Variants in LAMC3 observed in about 807,000 individuals in gnomAD.
LAMC3 encodes laminin subunit gamma 3, also known as laminin subunit gamma-3.
In LAMC3, 128 loss-of-function variants were observed where a neutral mutation model predicts 173.8. That is an observed-to-expected ratio of 0.74 (90% CI 0.64 to 0.85). The LOEUF (loss-of-function observed/expected upper bound fraction) is 0.85. LAMC3 is among the 40% of genes least tolerant of loss of function. The probability of loss-of-function intolerance (pLI) is 0.00; values close to 1 mark genes in which losing one functional copy is unlikely to be tolerated. For synonymous variants in LAMC3, 897 were observed against 909.1 expected, an observed-to-expected ratio of 0.99 and a Z score of 0.24; for missense variants, 2,022 against 2,156.0, an observed-to-expected ratio of 0.94 and a Z score of 1.23.
rs558445162 is a variant in LAMC3, at chr9:131,052,873, T to C, written c.1847T>C (p.Val616Ala). The C allele has an allele frequency of 3.7e-6, 6 of 1,603,524 alleles. No homozygotes were observed. In the African/African-American group the frequency reaches 5.4e-5, roughly 14 times the overall value. ...AGCCTGCAGGAGACCTCCGAGGACG[T>C]GGCCCCTCCACTGCCCCCCTTCCAC... ...RFHLQETSED[V>A]APPLPPFHFQ... The change falls in exon 11 of 28, where the codon GTG becomes GCG. Residue 616 changes from valine (V) to alanine (A), a missense_variant. Val to Ala is a moderately conservative substitution (Grantham distance 64). Transcript: ENST00000361069.
intron 1 of LAMC3, among the ~76,000 whole-genome samples, chr9:131,010,828 G>A (rs967869147): frequency 2.6e-5 from 4 of 152,148 alleles, no homozygotes; most frequent in South Asian, 2.1e-4. Flanking sequence ...ACCCAGCCCC[G>A]GTTCTCAGCC....
chr9:131,033,330 A>G (rs1356789104), intron 3 of LAMC3, among the ~76,000 whole-genome samples: 1 of 152,204 alleles, frequency 6.6e-6, no homozygotes, highest in Non-Finnish European at 1.5e-5. Flanking sequence ...GATGGCAGAC[A>G]TTGATCAGAT....
At chr9:131,088,581 GA>G (rs971521001) in intron 27 of LAMC3, among the ~76,000 whole-genome samples, 2 of 152,134 alleles carry the variant, frequency 1.3e-5, no homozygotes, top group Admixed American at 1.3e-4. Context: ...AATTGTAAAA[GA>G]CACATAATAT....
In LAMC3 at chr9:131,077,278, C is replaced by T. The variant is rs2133335629; in HGVS notation, c.3721C>T (p.Gln1241Ter). The T allele has an allele frequency of 6.2e-7, 1 of 1,614,066 alleles. No individual in the cohort carries two copies. Among genetic ancestry groups the T allele is most frequent in the Non-Finnish European group, 8.5e-7 (1 of 1,180,030 alleles). Residue 1241 changes from glutamine (Q) to a stop codon, truncating the protein, a stop_gained, in exon 22 of 28, where the codon CAA becomes TAA. Transcript: ENST00000361069. LOFTEE classifies it high-confidence loss of function. ...EAESVLATVQ[Q>*]VGADTAPYLA... is the part of the protein sequence containing the mutation. ...GGAAAGCGTGTTGGCCACCGTGCAG[C>T]AAGTTGGCGCAGATACAGCCCCGTA...
rs527528372 is a variant in LAMC3, at chr9:131,052,743, G to A, written c.1823+60G>A. The stretch of plus-strand genomic sequence containing the variant: ...GTGAGAGGGGTGGTCTCTGAGGTCC[G>A]GGCACATTTCAGATGCCCCTGTAGT... On this transcript the variant is annotated intron_variant, in intron 10 of 27. Transcript: ENST00000361069. The A allele has an allele frequency of 4.1e-5, 62 of 1,512,048 alleles. No homozygotes were observed. In the Admixed American group the frequency reaches 5.5e-4, roughly 13 times the overall value. The allele number at this position is 1,512,048 out of a possible 1,614,324, so 93.7% of individuals were successfully genotyped here.
rs71501241 is a variant in LAMC3 at position 131,045,246 on chromosome 9, C to CA, written c.1383-271dup. ...CAAAAAAAAAAAAAAACAACAACAA[C>CA]AAAAAAACAAAACCTAATAAAGTCT... is the stretch of plus-strand genomic sequence containing the variant. On this transcript the variant is annotated intron_variant, in intron 7 of 27. Coordinates refer to ENST00000361069, the MANE Select transcript of LAMC3 (RefSeq NM_006059.4). 5.3e-3 allele frequency among the ~76,000 whole-genome samples: 773 copies of CA among 144,598 alleles called. 7 individuals are homozygous for CA. The highest frequency in any genetic ancestry group is 0.019 in the African/African-American group (723 of 37,682). 94.9% of individuals were successfully genotyped at this position (144,598 alleles called of 152,430 possible).
At chr9:131,085,496 C>T (rs373085914) in intron 24 of LAMC3, 28 bp from the exon 25 acceptor site, 7 of 1,612,660 alleles carry the variant, frequency 4.3e-6, no homozygotes, top group Non-Finnish European at 5.9e-6. Flanking sequence ...GCCCAGTTCC[C>T]CTGACCCAGC....
In LAMC3 at chr9:131,073,031, G is replaced by C. The variant is rs148888297; in HGVS notation, c.3417+196G>C. The stretch of plus-strand genomic sequence containing the variant: ...GTTTGCAAAGGGCGAGGCATGTTCC[G>C]AGGAGACTGAATGCGCAGTAAGTGG... On this transcript the variant is annotated intron_variant, in intron 19 of 27. Transcript: ENST00000361069. Among the ~76,000 whole-genome samples the C allele has an allele frequency of 7.2e-5, 11 of 152,312 alleles. No individual in the cohort carries two copies. In the East Asian group the frequency reaches 2.1e-3, roughly 29 times the overall value.
intron 21 of LAMC3, 67 bp from the exon 22 acceptor site, chr9:131,077,120 T>C (rs1588166795): frequency 6.2e-7 from 1 of 1,603,396 alleles, no homozygotes; most frequent in South Asian, 1.1e-5. Context: ...GGCTCCAGCC[T>C]GGGGCCCAGA....
At chr9:131,090,366 A>G (rs1369518205) in intron 27 of LAMC3, among the ~76,000 whole-genome samples, 2 of 152,230 alleles carry the variant, frequency 1.3e-5, no homozygotes, top group Non-Finnish European at 2.9e-5. Flanking sequence ...AGCCCTAGGC[A>G]GCCTGGGCAG....
At chr9:131,050,138 C>A (rs968718102) in intron 9 of LAMC3, among the ~76,000 whole-genome samples, 1 of 152,250 alleles carries the variant, frequency 6.6e-6, no homozygotes, top group African/African-American at 2.4e-5. Flanking sequence ...CATGGCCACT[C>A]TGCTGGCATA....
intron 25 of LAMC3, among the ~76,000 whole-genome samples, chr9:131,086,382 G>C (rs927722390): frequency 1.2e-5 from 1 of 85,760 alleles, no homozygotes; most frequent in Non-Finnish European, 2.3e-5. Context: ...CCAGCTTAAG[G>C]GTTTTTGGTT....
intron 3 of LAMC3, among the ~76,000 whole-genome samples, chr9:131,035,623 A>G (rs150060135): frequency 8.9e-4 from 135 of 152,220 alleles, no homozygotes; most frequent in Non-Finnish European, 1.4e-3. Flanking sequence ...ACAGATCCAA[A>G]CCATATCCGA....
At chr9:131,061,478 G>C (rs528256018) in intron 13 of LAMC3, among the ~76,000 whole-genome samples, 2 of 152,198 alleles carry the variant, frequency 1.3e-5, no homozygotes, top group Non-Finnish European at 1.5e-5. Flanking sequence ...ACCCGTATCT[G>C]GTCCCTGGCC....
chr9:131,061,241 C>T lies in LAMC3; in HGVS notation c.2347+18C>T, dbSNP rs372898308. The T allele has an allele frequency of 2.7e-5, 43 of 1,592,166 alleles. No individual in the cohort carries two copies. Among genetic ancestry groups the T allele is most frequent in the African/African-American group, 2.5e-4 (19 of 74,668 alleles). On this transcript the variant is annotated intron_variant, in intron 13 of 27. Coordinates refer to ENST00000361069, the MANE Select transcript of LAMC3 (RefSeq NM_006059.4). Reference sequence around the variant, plus strand: ...CCAGAGAGGTAAGTGACTCCTGCCCCGGAGCCCTGCCCCGCAGAGGGCCAA... The same window carrying T: ...CCAGAGAGGTAAGTGACTCCTGCCCTGGAGCCCTGCCCCGCAGAGGGCCAA...
At chr9:131,091,266 C>CT (rs1167527950) in intron 27 of LAMC3, among the ~76,000 whole-genome samples, 3 of 152,254 alleles carry the variant, frequency 2.0e-5, no homozygotes, top group Non-Finnish European at 2.9e-5. Context: ...CTGAGGCCTT[C>CT]TTTTTTAACA....
At chr9:131,015,862 T>G (rs1833511129) in intron 1 of LAMC3, among the ~76,000 whole-genome samples, 1 of 152,164 alleles carries the variant, frequency 6.6e-6, no homozygotes. Context: ...TTCACCATGT[T>G]GGCCAGACTG....
chr9:131,057,978 A>T (rs540119591), intron 12 of LAMC3, among the ~76,000 whole-genome samples: 15 of 152,274 alleles, frequency 9.9e-5, no homozygotes, highest in Admixed American at 2.6e-4. Context: ...GTCCCATCTC[A>T]CAGGTGAAGG....
chr9:131,066,902 C>T (rs1829944603), intron 13 of LAMC3, 58 bp from the exon 14 acceptor site: 1 of 1,596,964 alleles, frequency 6.3e-7, no homozygotes, highest in Non-Finnish European at 8.6e-7. Flanking sequence ...CACACCCACC[C>T]TCATCCCTGG....
Sources: gnomAD v4.1 joint callset for allele counts (sites outside exome capture counted in the v4.1 genomes callset) on GRCh38, gnomAD v4.1.1 for gene constraint, MANE v1.5 for transcripts, NCBI Gene and HGNC (gene_info 2026-07-23, HGNC 2026-07-21) for gene names.